NELL2: variants seen among roughly 807,000 people sequenced by gnomAD.
The protein encoded by NELL2 is neural EGFL like 2, also known as protein kinase C-binding protein NELL2.
NELL2 carries 41 observed loss-of-function variants against 109.6 expected under a neutral mutation model. The observed-to-expected ratio is 0.37, with a 90% CI of 0.29 to 0.49. The LOEUF (loss-of-function observed/expected upper bound fraction) is 0.49, where lower values mean the gene tolerates loss of function less well. Among genes scored for constraint, NELL2 ranks in the 20% least tolerant of loss-of-function variants. NELL2 has a pLI of 0.98. For missense variants in NELL2, 900 were observed against 1,008.3 expected, an observed-to-expected ratio of 0.89 and a Z score of 1.45; for synonymous variants, 355 against 344.7, an observed-to-expected ratio of 1.03 and a Z score of -0.33.
intron 9 of NELL2, among the ~76,000 whole-genome samples, chr12:44,729,664 A>G (rs578145504): frequency 2.0e-5 from 3 of 152,010 alleles, no homozygotes; most frequent in South Asian, 2.1e-4. Context: ...TTTGAAACAT[A>G]TATTTCATGC....
chr12:44,842,992 G>A (rs1041892443), intron 2 of NELL2, among the ~76,000 whole-genome samples: 5 of 152,226 alleles, frequency 3.3e-5, no homozygotes, highest in African/African-American at 1.2e-4. Flanking sequence ...CATACTTCTG[G>A]CCTTGCGTGA....
intron 3 of NELL2, among the ~76,000 whole-genome samples, chr12:44,814,443 T>C (rs370137200): frequency 1.1e-4 from 16 of 152,206 alleles, no homozygotes; most frequent in African/African-American, 3.9e-4. Flanking sequence ...TCAATGGACA[T>C]GGGCAGAGAC....
At chr12:44,625,047 A>T (rs1039312006) in intron 13 of NELL2, among the ~76,000 whole-genome samples, 1 of 139,562 alleles carries the variant, frequency 7.2e-6, no homozygotes, top group Non-Finnish European at 1.5e-5. Context: ...TGAACAAGTG[A>T]ATGTTGGGGA....
intron 13 of NELL2, among the ~76,000 whole-genome samples, chr12:44,623,639 G>C (rs931537261): frequency 6.6e-6 from 1 of 152,066 alleles, no homozygotes; most frequent in Non-Finnish European, 1.5e-5. Flanking sequence ...AAGTTTTCAG[G>C]GGAGTTTAAG....
intron 9 of NELL2, among the ~76,000 whole-genome samples, chr12:44,767,056 G>C (rs1387906073): frequency 6.6e-6 from 1 of 152,042 alleles, no homozygotes; most frequent in African/African-American, 2.4e-5. Flanking sequence ...TAATGCCTTA[G>C]AGCCAGAGGA....
chr12:44,530,427 A>G (rs1941994021), intron 16 of NELL2, among the ~76,000 whole-genome samples: 1 of 152,212 alleles, frequency 6.6e-6, no homozygotes, highest in African/African-American at 2.4e-5. Context: ...AAAGAAATGA[A>G]GTAGGAATGC....
intron 16 of NELL2, among the ~76,000 whole-genome samples, chr12:44,524,660 A>C (rs1260435370): frequency 6.6e-6 from 1 of 152,190 alleles, no homozygotes; most frequent in Non-Finnish European, 1.5e-5. Flanking sequence ...TCCTGAAAGT[A>C]AGCCACAGGA....
chr12:44,807,115 G>C (rs1289677537), intron 3 of NELL2, among the ~76,000 whole-genome samples: 1 of 151,418 alleles, frequency 6.6e-6, no homozygotes, highest in Non-Finnish European at 1.5e-5. Flanking sequence ...AAGATATTAA[G>C]TGAAATAACA....
At chr12:44,855,211 G>C (rs1459384505) in intron 2 of NELL2, among the ~76,000 whole-genome samples, 1 of 152,142 alleles carries the variant, frequency 6.6e-6, no homozygotes, top group Non-Finnish European at 1.5e-5. Flanking sequence ...GGAGAGCTCA[G>C]TTTGAGACAA....
intron 15 of NELL2, among the ~76,000 whole-genome samples, chr12:44,600,369 C>T (rs977168787): frequency 3.3e-5 from 5 of 151,374 alleles, no homozygotes; most frequent in Non-Finnish European, 7.4e-5. Flanking sequence ...TAAGAGAGTA[C>T]TAAAATATAT....
chr12:44,719,815 T>C (rs1297753360), intron 9 of NELL2, among the ~76,000 whole-genome samples: 1 of 152,100 alleles, frequency 6.6e-6, no homozygotes, highest in Non-Finnish European at 1.5e-5. Context: ...AATATTTTGT[T>C]AGTGATATAC....
chr12:44,878,313 TG>T (rs1298680547), upstream of NELL2, among the ~76,000 whole-genome samples: 1 of 152,144 alleles, frequency 6.6e-6, no homozygotes, highest in Non-Finnish European at 1.5e-5. Context: ...TTAAATAGTA[TG>T]GAAATCATTA....
At chr12:44,665,064 T>A (rs2290355) in intron 13 of NELL2, among the ~76,000 whole-genome samples, 25,226 of 152,050 alleles carry the variant, frequency 0.17, 2,186 homozygotes, top group East Asian at 0.23. Flanking sequence ...AAGAAGCTCA[T>A]TTATATTTAA....
Position 44,530,342 on chromosome 12 carries a change from C to T in NELL2, c.1804+2239G>A, listed in dbSNP as rs574719718. Among the ~76,000 whole-genome samples, 4 of 152,242 alleles carry T rather than the reference C, an allele frequency of 2.6e-5. No homozygotes were observed. In the South Asian group the frequency reaches 8.3e-4, roughly 32 times the overall value. On this transcript the variant is annotated intron_variant, in intron 16 of 19. Coordinates refer to ENST00000429094, the MANE Select transcript of NELL2 (RefSeq NM_001145108.2). ...TGACAGAGAATAAAGAGAAAGGAAG[C>T]AGTATCCAAAGTCTGAGGAGACTTA...
At chr12:44,689,795 A>C (rs79237474) in intron 12 of NELL2, among the ~76,000 whole-genome samples, 2 of 152,340 alleles carry the variant, frequency 1.3e-5, no homozygotes, top group Non-Finnish European at 2.9e-5. Context: ...TAGTGGGTAG[A>C]GATCAGGGAT....
chr12:44,724,137 G>A (rs112028793), intron 9 of NELL2, among the ~76,000 whole-genome samples: 5 of 151,768 alleles, frequency 3.3e-5, no homozygotes, highest in African/African-American at 7.3e-5. Flanking sequence ...AACCTAACAC[G>A]AGATCAGAAA....
At chr12:44,726,796 AT>A (rs1939104818) in intron 9 of NELL2, among the ~76,000 whole-genome samples, 1 of 152,114 alleles carries the variant, frequency 6.6e-6, no homozygotes, top group African/African-American at 2.4e-5. Context: ...TATAAAACAA[AT>A]TTTATTTCAT....
At chr12:44,799,345 T>C (rs936458261) in intron 3 of NELL2, among the ~76,000 whole-genome samples, 2 of 152,200 alleles carry the variant, frequency 1.3e-5, no homozygotes, top group African/African-American at 2.4e-5. Flanking sequence ...AGGCATCAGT[T>C]TGGAGATCAG....
intron 1 of NELL2, among the ~76,000 whole-genome samples, chr12:44,890,329 C>T (rs948976224): frequency 5.9e-5 from 9 of 152,088 alleles, no homozygotes; most frequent in Non-Finnish European, 7.4e-5. Context: ...CAGGACTTGC[C>T]GGGAAGACTG....
Sources: allele counts gnomAD v4.1 joint callset (sites outside exome capture counted in the v4.1 genomes callset), GRCh38; gene constraint gnomAD v4.1.1; transcripts MANE v1.5; gene names NCBI Gene and HGNC (gene_info 2026-07-23, HGNC 2026-07-21).